MLXIP: variants seen among roughly 807,000 people sequenced by gnomAD.
MLXIP encodes the protein MLX interacting protein, also known as MLX-interacting protein.
In MLXIP, 30 loss-of-function variants were observed where a neutral mutation model predicts 87.2. That is an observed-to-expected ratio of 0.34 (90% CI 0.26 to 0.47). The LOEUF is 0.47. Among genes scored for constraint, MLXIP ranks in the 20% least tolerant of loss-of-function variants. The pLI is 1.00. For synonymous variants in MLXIP, 530 were observed against 514.0 expected (o/e 1.03, Z -0.42); for missense variants, 1,002 against 1,240.1 (o/e 0.81, Z 2.88).
At position 122,084,144 on chromosome 12, in the gene MLXIP, T is replaced by TTGTGTGTGTG. The variant is rs746678463; in HGVS notation, c.413+4918_413+4927dup. ...TACCGGGAAGGATATCTCAGCCAGA[T>TTGTGTGTGTG]TGTGTGTGTGTGTGTGTGTGTGTGT... is the stretch of plus-strand genomic sequence containing the variant. On this transcript the variant is annotated intron_variant, in intron 1 of 16. Coordinates refer to ENST00000319080, the MANE Select transcript of MLXIP (RefSeq NM_014938.6). Among the ~76,000 whole-genome samples the TTGTGTGTGTG allele has an allele frequency of 2.8e-3, 393 of 138,228 alleles. 2 individuals carry two copies. The highest frequency in any genetic ancestry group is 0.01 in the African/African-American group (377 of 36,738). 90.7% of individuals were successfully genotyped at this position (138,228 alleles called of 152,430 possible). A position where few individuals can be genotyped will look rare whatever the true frequency, so the allele number is the denominator to read the frequency against.
chr12:122,120,711 A>AC (rs1460458647), intron 1 of MLXIP, among the ~76,000 whole-genome samples: 1 of 151,630 alleles, frequency 6.6e-6, no homozygotes, highest in Non-Finnish European at 1.5e-5. Context: ...CTGACCTTCC[A>AC]CCTCCACCCC....
chr12:122,103,921 C>T lies in MLXIP; in HGVS notation c.414-23335C>T, dbSNP rs577010367. 1.7e-4 allele frequency among the ~76,000 whole-genome samples: 26 copies of T among 151,688 alleles called. 1 individual carries two copies. In the East Asian group the frequency reaches 4.1e-3, roughly 24 times the overall value. On this transcript the variant is annotated intron_variant, in intron 1 of 16. Coordinates refer to ENST00000319080, the MANE Select transcript of MLXIP (RefSeq NM_014938.6). ...AACTTCTGGGCTCATGTGATCCTTC[C>T]GCCTTGGTCTCCCAAAGTGCGGAGA...
chr12:122,113,534 C>T (rs1290605467), intron 1 of MLXIP, among the ~76,000 whole-genome samples: 1 of 152,144 alleles, frequency 6.6e-6, no homozygotes. Context: ...TCCCAAAGTG[C>T]TGGGATTACA....
intron 9 of MLXIP, chr12:122,134,445 C>CA (rs137994816): frequency 0.49 from 77,650 of 159,038 alleles, 19,585 homozygotes; most frequent in Admixed American, 0.56. Context: ...CGGCTCACTG[C>CA]AACCTCCGCC....
At chr12:122,112,222 T>C (rs1952615549) in intron 1 of MLXIP, among the ~76,000 whole-genome samples, 1 of 152,196 alleles carries the variant, frequency 6.6e-6, no homozygotes, top group Admixed American at 6.5e-5. Flanking sequence ...GTGTCGTAAG[T>C]CATTGTGGGA....
At chr12:122,111,919 A>G (rs1224636321) in intron 1 of MLXIP, among the ~76,000 whole-genome samples, 2 of 152,208 alleles carry the variant, frequency 1.3e-5, no homozygotes, top group Non-Finnish European at 2.9e-5. Flanking sequence ...TTGATTTATT[A>G]AACATAATCC....
Position 122,079,005 on chromosome 12 carries a change from G to A in MLXIP, c.152G>A (p.Arg51Gln). 2 of 1,196,206 alleles carry A rather than the reference G, an allele frequency of 1.7e-6. No individual in the cohort carries two copies. The allele number at this position is 1,196,206 out of a possible 1,614,324, so 74.1% of individuals were successfully genotyped here. A position where few individuals can be genotyped will look rare whatever the true frequency, so the allele number is the denominator to read the frequency against. Residue 51 changes from arginine (R) to glutamine (Q), a missense_variant, in exon 1 of 17, where the codon CGG becomes CAG. Coordinates refer to ENST00000319080, the MANE Select transcript of MLXIP (RefSeq NM_014938.6). ...GCCTCCGGCGCGGCCACCCCGGCCCGGGCCCACGCGAGCGCCGCGCCACCG... is the reference window on the plus strand; with the variant it reads ...GCCTCCGGCGCGGCCACCCCGGCCCAGGCCCACGCGAGCGCCGCGCCACCG... ...PPASGAATPARAHASAAPPPP... is the reference protein window; with the variant it reads ...PPASGAATPAQAHASAAPPPP...
chr12:122,131,437 GA>G (rs1952976747), intron 7 of MLXIP, among the ~76,000 whole-genome samples: 1 of 135,718 alleles, frequency 7.4e-6, no homozygotes, highest in Non-Finnish European at 1.6e-5. Flanking sequence ...TGATTTGTTT[GA>G]GTCTTTTTTT....
rs748700336 is a variant in MLXIP, at chr12:122,143,474, G to C, written c.*1662G>C. 2.6e-5 allele frequency: 4 copies of C among 152,330 alleles called. No homozygotes were observed. The highest frequency in any genetic ancestry group is 5.9e-5 in the Non-Finnish European group (4 of 68,118). 9.4% of individuals were successfully genotyped at this position (152,330 alleles called of 1,614,324 possible). A position where few individuals can be genotyped will look rare whatever the true frequency, so the allele number is the denominator to read the frequency against. On this transcript the variant is annotated 3_prime_UTR_variant, in exon 17 of 17. Coordinates refer to ENST00000319080, the MANE Select transcript of MLXIP (RefSeq NM_014938.6). Reference sequence around the variant, plus strand: ...TGTGGGGTGAACGTAATGAGGCGGGGCTGGTCCTTGGAATTTCCCCTGGAA... The same window carrying C: ...TGTGGGGTGAACGTAATGAGGCGGGCCTGGTCCTTGGAATTTCCCCTGGAA...
intron 14 of MLXIP, 63 bp downstream of exon 14, chr12:122,138,614 A>T (rs1953138880): frequency 6.4e-7 from 1 of 1,557,278 alleles, no homozygotes; most frequent in African/African-American, 1.4e-5. Flanking sequence ...CCTGCCTCAG[A>T]GGTGGTGGGA....
In MLXIP at chr12:122,116,053, AAC is replaced by A. The variant is rs138548664; in HGVS notation, c.414-11169_414-11168del. On this transcript the variant is annotated intron_variant, in intron 1 of 16. Coordinates refer to ENST00000319080, the MANE Select transcript of MLXIP (RefSeq NM_014938.6). ...GTGACAGAGCGAGACTCCATCTGAAAACACACACACACACACACACACACACA... is the reference window on the plus strand; with the variant it reads ...GTGACAGAGCGAGACTCCATCTGAAAACACACACACACACACACACACACA... Among the ~76,000 whole-genome samples the A allele has an allele frequency of 3.2e-3, 473 of 147,214 alleles. 3 individuals carry two copies. Among genetic ancestry groups the A allele is most frequent in the Middle Eastern group, 0.014 (4 of 290 alleles).
At chr12:122,087,852 A>G (rs779239918) in intron 1 of MLXIP, among the ~76,000 whole-genome samples, 21 of 152,026 alleles carry the variant, frequency 1.4e-4, no homozygotes, top group Non-Finnish European at 2.8e-4. Context: ...AGCTGTATTC[A>G]GGGTGGTTTT....
Position 122,141,872 on chromosome 12 carries a change from G to A in MLXIP, c.*60G>A. On this transcript the variant is annotated 3_prime_UTR_variant, in exon 17 of 17. Transcript: ENST00000319080. ...GGAGACCCTTCCCTGCCCATGGAGAGTAGGCTGCGCCCCCCAGCCCTTCCT... is the reference window on the plus strand; with the variant it reads ...GGAGACCCTTCCCTGCCCATGGAGAATAGGCTGCGCCCCCCAGCCCTTCCT... 9 of 1,595,998 alleles carry A rather than the reference G, an allele frequency of 5.6e-6. No homozygotes were observed. The highest frequency in any genetic ancestry group is 7.7e-6 in the Non-Finnish European group (9 of 1,172,058).
chr12:122,085,142 A>G (rs540514419), intron 1 of MLXIP, among the ~76,000 whole-genome samples: 21 of 151,928 alleles, frequency 1.4e-4, no homozygotes, highest in African/African-American at 4.8e-4. Context: ...GGTCCACTCC[A>G]TGTCTCTCTG....
chr12:122,123,765 T>A (rs1001520709), intron 1 of MLXIP, among the ~76,000 whole-genome samples: 5 of 152,156 alleles, frequency 3.3e-5, no homozygotes, highest in Non-Finnish European at 7.4e-5. Flanking sequence ...ATTGGTGCCA[T>A]CATGGCTCAC....
At chr12:122,099,598 A>G (rs1952407044) in intron 1 of MLXIP, among the ~76,000 whole-genome samples, 1 of 152,206 alleles carries the variant, frequency 6.6e-6, no homozygotes, top group East Asian at 1.9e-4. Context: ...TATCATGTGT[A>G]TGATGCCTCA....
Position 122,142,487 on chromosome 12 carries a change from G to T in MLXIP, c.*675G>T, listed in dbSNP as rs982864447. The stretch of plus-strand genomic sequence containing the variant: ...TGGAAGCGTGTGATGCACGGTGGCT[G>T]CTCTGGCTGAGAGGCCCTGCTGGGC... On this transcript the variant is annotated 3_prime_UTR_variant, in exon 17 of 17. Coordinates refer to ENST00000319080, the MANE Select transcript of MLXIP (RefSeq NM_014938.6). 3.3e-5 allele frequency: 12 copies of T among 363,614 alleles called. No individual in the cohort carries two copies. Among genetic ancestry groups the T allele is most frequent in the African/African-American group, 2.3e-4 (11 of 47,134 alleles). The allele number at this position is 363,614 out of a possible 1,614,324, so 22.5% of individuals were successfully genotyped here. A position where few individuals can be genotyped will look rare whatever the true frequency, so the allele number is the denominator to read the frequency against.
At chr12:122,115,308 C>T (rs1952672922) in intron 1 of MLXIP, among the ~76,000 whole-genome samples, 1 of 151,952 alleles carries the variant, frequency 6.6e-6, no homozygotes, top group Non-Finnish European at 1.5e-5. Context: ...CCAGTAGTGG[C>T]TGGGCGCGGT....
chr12:122,129,546 A>G, intron 4 of MLXIP, 42 bp from the exon 5 acceptor site: 1 of 1,609,838 alleles, frequency 6.2e-7, no homozygotes, highest in African/African-American at 1.3e-5. Flanking sequence ...GGGCCCTCCT[A>G]GGGCCATTGG....
Sources: gnomAD v4.1 joint callset for allele counts (sites outside exome capture counted in the v4.1 genomes callset) on GRCh38, gnomAD v4.1.1 for gene constraint, MANE v1.5 for transcripts, NCBI Gene and HGNC (gene_info 2026-07-23, HGNC 2026-07-21) for gene names.